Variants in SLC24A3 observed in about 807,000 individuals in gnomAD.
SLC24A3 encodes the protein sodium/potassium/calcium exchanger 3.
Under a neutral mutation model 75.8 loss-of-function variants are expected in SLC24A3, and 28 were observed. The observed-to-expected ratio is 0.37, with a 90% CI of 0.27 to 0.51. SLC24A3 has a LOEUF of 0.51. Among genes scored for constraint, SLC24A3 ranks in the 20% least tolerant of loss-of-function variants. The probability of loss-of-function intolerance (pLI) is 0.94; values close to 1 mark genes in which losing one functional copy is unlikely to be tolerated. For synonymous variants in SLC24A3, 372 were observed against 334.1 expected (o/e 1.11, Z -1.24); for missense variants, 663 against 847.8 (o/e 0.78, Z 2.71).
chr20:19,491,237 C>A (rs537174890), intron 2 of SLC24A3, among the ~76,000 whole-genome samples: 1 of 152,298 alleles, frequency 6.6e-6, no homozygotes, highest in East Asian at 1.9e-4. Context: ...GGGCTGTGCA[C>A]CCCTCCCTGT....
chr20:19,391,955 G>A (rs1173727337), intron 2 of SLC24A3, among the ~76,000 whole-genome samples: 3 of 152,204 alleles, frequency 2.0e-5, no homozygotes, highest in Non-Finnish European at 4.4e-5. Context: ...TGTGCCTGGA[G>A]AAGGGAACAA....
In SLC24A3 at chr20:19,486,636, C is replaced by T. The variant is rs1988131554; in HGVS notation, c.272-28852C>T. Among the ~76,000 whole-genome samples the T allele has an allele frequency of 2.0e-5, 3 of 152,224 alleles. No individual in the cohort carries two copies. In the South Asian group the frequency reaches 6.2e-4, roughly 32 times the overall value. Reference sequence around the variant, plus strand: ...TATCTCCTGTCTCCATACACAGCTCCATCAACAGCACTGACCTCCACTTCA... The same window carrying T: ...TATCTCCTGTCTCCATACACAGCTCTATCAACAGCACTGACCTCCACTTCA... On this transcript the variant is annotated intron_variant, in intron 2 of 16. Coordinates refer to ENST00000328041, the MANE Select transcript of SLC24A3 (RefSeq NM_020689.4).
intron 2 of SLC24A3, among the ~76,000 whole-genome samples, chr20:19,395,676 G>A (rs1259557702): frequency 6.6e-6 from 1 of 152,234 alleles, no homozygotes; most frequent in Non-Finnish European, 1.5e-5. Context: ...GCCAGAGGGG[G>A]ATGACCTGCA....
intron 6 of SLC24A3, among the ~76,000 whole-genome samples, chr20:19,632,332 T>A (rs747894194): frequency 6.6e-6 from 1 of 152,146 alleles, no homozygotes; most frequent in Non-Finnish European, 1.5e-5. Context: ...AAAATCGAGG[T>A]GTCGGTAGGA....
Position 19,411,261 on chromosome 20 carries a change from C to T in SLC24A3, c.272-104227C>T, listed in dbSNP as rs573805728. On this transcript the variant is annotated intron_variant, in intron 2 of 16. Transcript: ENST00000328041. Reference sequence around the variant, plus strand: ...CCCCATGTTCCCAAATAGGTGTTACCCACCTTGGGCCTGAATTGGTCTTTC... The same window carrying T: ...CCCCATGTTCCCAAATAGGTGTTACTCACCTTGGGCCTGAATTGGTCTTTC... 8.5e-5 allele frequency among the ~76,000 whole-genome samples: 13 copies of T among 152,276 alleles called. No homozygotes were observed. The East Asian group carries it at 2.5e-3, about 29-fold the overall frequency.
intron 3 of SLC24A3, among the ~76,000 whole-genome samples, chr20:19,524,198 G>T (rs1217466053): frequency 1.3e-5 from 2 of 151,986 alleles, no homozygotes; most frequent in African/African-American, 4.8e-5. Flanking sequence ...TCCTCTCCTG[G>T]AACCTCCTGG....
intron 1 of SLC24A3, among the ~76,000 whole-genome samples, chr20:19,272,700 C>G (rs1983366405): frequency 6.6e-6 from 1 of 152,210 alleles, no homozygotes; most frequent in South Asian, 2.1e-4. Flanking sequence ...ACCCATGGAC[C>G]TGGGATCTTT....
intron 2 of SLC24A3, among the ~76,000 whole-genome samples, chr20:19,395,053 C>A (rs1374458042): frequency 1.3e-5 from 2 of 152,160 alleles, no homozygotes; most frequent in Non-Finnish European, 2.9e-5. Context: ...ACAATTCTGG[C>A]ACAAGTTACA....
chr20:19,655,238 C>T (rs1260498304), intron 7 of SLC24A3, among the ~76,000 whole-genome samples: 3 of 152,194 alleles, frequency 2.0e-5, no homozygotes, highest in Admixed American at 6.5e-5. Flanking sequence ...CACTTACTCC[C>T]CGCTTCTCTC....
chr20:19,314,513 C>T (rs914256791), intron 2 of SLC24A3, among the ~76,000 whole-genome samples: 3 of 151,898 alleles, frequency 2.0e-5, no homozygotes, highest in South Asian at 2.1e-4. Context: ...TGGGGTTTCA[C>T]CATGTTACCT....
intron 2 of SLC24A3, among the ~76,000 whole-genome samples, chr20:19,427,983 G>A (rs545591572): frequency 2.6e-4 from 40 of 152,354 alleles, no homozygotes; most frequent in African/African-American, 8.9e-4. Flanking sequence ...CACATTTGCA[G>A]TAACACATCA....
chr20:19,578,872 T>C (rs1038628298), intron 3 of SLC24A3, among the ~76,000 whole-genome samples: 1 of 151,824 alleles, frequency 6.6e-6, no homozygotes, highest in South Asian at 2.1e-4. Flanking sequence ...GGGGCTTAGG[T>C]TTTTTCTGAT....
At chr20:19,563,557 A>G (rs1302990296) in intron 3 of SLC24A3, among the ~76,000 whole-genome samples, 1 of 152,198 alleles carries the variant, frequency 6.6e-6, no homozygotes, top group African/African-American at 2.4e-5. Context: ...TAAATGTTGA[A>G]TAAATATTTA....
At chr20:19,704,124 C>T (rs1272233541) in intron 15 of SLC24A3, among the ~76,000 whole-genome samples, 3 of 152,016 alleles carry the variant, frequency 2.0e-5, no homozygotes, top group Non-Finnish European at 4.4e-5. Context: ...GCACTTGGAA[C>T]ATATTCCACA....
chr20:19,452,376 A>ATGTGTGTGTGTG lies in SLC24A3; in HGVS notation c.272-63074_272-63063dup, dbSNP rs34840970. Among the ~76,000 whole-genome samples the ATGTGTGTGTGTG allele has an allele frequency of 9.5e-3, 1,076 of 113,006 alleles. 33 individuals carry two copies. The highest frequency in any genetic ancestry group is 0.024 in the East Asian group (78 of 3,298). The allele number at this position is 113,006 out of a possible 152,430, so 74.1% of individuals were successfully genotyped here. Reference sequence around the variant, plus strand: ...TGGTCAATGTGGGATCCTGTGGGGGATGTGTGTGTGTGTGTGTGTGTGTGT... The same window carrying ATGTGTGTGTGTG: ...TGGTCAATGTGGGATCCTGTGGGGGATGTGTGTGTGTGTGTGTGTGTGTGTGTGTGTGTGTGT... On this transcript the variant is annotated intron_variant, in intron 2 of 16. Coordinates refer to ENST00000328041, the MANE Select transcript of SLC24A3 (RefSeq NM_020689.4).
chr20:19,682,057 A>C (rs923582330), intron 10 of SLC24A3, 66 bp downstream of exon 10: 6 of 1,535,968 alleles, frequency 3.9e-6, no homozygotes, highest in Non-Finnish European at 5.4e-6. Flanking sequence ...GTTCAAGACC[A>C]GCCTGGCCAA....
chr20:19,572,443 G>C (rs2031068204), intron 3 of SLC24A3, among the ~76,000 whole-genome samples: 1 of 152,116 alleles, frequency 6.6e-6, no homozygotes, highest in South Asian at 2.1e-4. Flanking sequence ...GGGAAACTCT[G>C]GAGACAGCCT....
rs1421918134 is a variant in SLC24A3, at chr20:19,573,019, A to G, written c.349-6981A>G. Among the ~76,000 whole-genome samples, 3 of 152,202 alleles carry G rather than the reference A, an allele frequency of 2.0e-5. No individual in the cohort carries two copies. In the East Asian group the frequency reaches 5.8e-4, roughly 29 times the overall value. On this transcript the variant is annotated intron_variant, in intron 3 of 16. Transcript: ENST00000328041. ...CCCTGGGAGGTTTAAGATTTAGAAC[A>G]ATTTCCACCAAGGCCACAGTTCTGT...
In SLC24A3 at chr20:19,452,376, ATGTGTGTGTGTGTGTGTGTG is replaced by A. The variant is rs34840970; in HGVS notation, c.272-63082_272-63063del. ...TGGTCAATGTGGGATCCTGTGGGGG[ATGTGTGTGTGTGTGTGTGTG>A]TGTGTGTGTGTGTGTGTGTGTGTGT... On this transcript the variant is annotated intron_variant, in intron 2 of 16. Coordinates refer to ENST00000328041, the MANE Select transcript of SLC24A3 (RefSeq NM_020689.4). 6.1e-3 allele frequency among the ~76,000 whole-genome samples: 685 copies of A among 113,066 alleles called. 7 individuals are homozygous for A. Among genetic ancestry groups the A allele is most frequent in the African/African-American group, 0.02 (639 of 32,004 alleles). 74.2% of individuals were successfully genotyped at this position (113,066 alleles called of 152,430 possible). A position where few individuals can be genotyped will look rare whatever the true frequency, so the allele number is the denominator to read the frequency against.
Sources: gnomAD v4.1 joint callset for allele counts (sites outside exome capture counted in the v4.1 genomes callset) on GRCh38, gnomAD v4.1.1 for gene constraint, MANE v1.5 for transcripts, NCBI Gene and HGNC (gene_info 2026-07-23, HGNC 2026-07-21) for gene names.